SMURF1: variants seen among roughly 807,000 people sequenced by gnomAD.
The protein encoded by SMURF1 is E3 ubiquitin-protein ligase SMURF1.
SMURF1 carries 44 observed loss-of-function variants against 98.0 expected under a neutral mutation model. The observed-to-expected ratio is 0.45, with a 90% CI of 0.35 to 0.58. The LOEUF (loss-of-function observed/expected upper bound fraction) is 0.58. Among genes scored for constraint, SMURF1 ranks in the 20% least tolerant of loss-of-function variants. The probability of loss-of-function intolerance (pLI) is 0.00; values close to 1 mark genes in which losing one functional copy is unlikely to be tolerated. For synonymous variants in SMURF1, 396 were observed against 374.9 expected (o/e 1.06, Z -0.65); for missense variants, 687 against 938.4 (o/e 0.73, Z 3.50).
At chr7:99,143,084 G>A (rs1798167822) in intron 1 of SMURF1, among the ~76,000 whole-genome samples, 1 of 147,820 alleles carries the variant, frequency 6.8e-6, no homozygotes, top group Non-Finnish European at 1.5e-5. Context: ...GGCGGGACCA[G>A]AGAGAAGCGA....
Position 99,033,134 on chromosome 7 carries a change from C to G in SMURF1, c.2012-13G>C. On this transcript the variant is annotated splice_polypyrimidine_tract_variant and intron_variant, in intron 16 of 17. Transcript: ENST00000361368. ...GCGCCTGTAGAACCTTACAAGACAA[C>G]ATTCTAGTTAATGTACTTCAGAGTT... 2 of 1,563,686 alleles carry G rather than the reference C, an allele frequency of 1.3e-6. No homozygotes were observed. Among genetic ancestry groups the G allele is most frequent in the South Asian group, 1.2e-5 (1 of 85,230 alleles).
chr7:99,068,969 C>CT (rs1331463938), intron 1 of SMURF1, among the ~76,000 whole-genome samples: 2 of 152,158 alleles, frequency 1.3e-5, no homozygotes, highest in Non-Finnish European at 2.9e-5. Context: ...GACATTTTCA[C>CT]TAGTGCCAAA....
At chr7:99,103,669 A>G (rs940421992) in intron 1 of SMURF1, among the ~76,000 whole-genome samples, 5 of 152,206 alleles carry the variant, frequency 3.3e-5, no homozygotes, top group African/African-American at 9.7e-5. Context: ...AACTTATTTT[A>G]TCAATGCTTT....
At chr7:99,101,248 T>C (rs1345160784) in intron 1 of SMURF1, among the ~76,000 whole-genome samples, 1 of 152,166 alleles carries the variant, frequency 6.6e-6, no homozygotes, top group Non-Finnish European at 1.5e-5. Flanking sequence ...GGTGTGTGCC[T>C]GTAGTCCCAG....
rs1472129963 is a variant in SMURF1 at position 99,028,980 on chromosome 7, CAA to C, written c.*1602_*1603del. On this transcript the variant is annotated 3_prime_UTR_variant, in exon 18 of 18. Coordinates refer to ENST00000361368, the MANE Select transcript of SMURF1 (RefSeq NM_181349.3). Reference sequence around the variant, plus strand: ...CCTGTGGGGGCAAGGCAGAACTTTTCAAAGAGGCTAAGCCCACCATTTGGCCT... The same window carrying C: ...CCTGTGGGGGCAAGGCAGAACTTTTCAGAGGCTAAGCCCACCATTTGGCCT... 1 of 152,270 alleles carries C rather than the reference CAA, an allele frequency of 6.6e-6. No individual in the cohort carries two copies. Among genetic ancestry groups the C allele is most frequent in the Non-Finnish European group, 1.5e-5 (1 of 68,068 alleles). The allele number at this position is 152,270 out of a possible 1,614,324, so 9.4% of individuals were successfully genotyped here.
chr7:99,051,755 G>C (rs921933979), intron 7 of SMURF1, among the ~76,000 whole-genome samples: 2 of 152,128 alleles, frequency 1.3e-5, no homozygotes, highest in African/African-American at 4.8e-5. Context: ...TTCATGATTA[G>C]CTAGATTTAG....
intron 1 of SMURF1, among the ~76,000 whole-genome samples, chr7:99,103,373 G>A (rs535332195): frequency 2.2e-4 from 33 of 152,222 alleles, no homozygotes; most frequent in Admixed American, 1.6e-3. Context: ...AAAAGACACC[G>A]GGGAAAGGTA....
chr7:99,056,250 G>A (rs1016619459), intron 5 of SMURF1, among the ~76,000 whole-genome samples: 5 of 152,064 alleles, frequency 3.3e-5, no homozygotes, highest in African/African-American at 1.2e-4. Context: ...AAGATTTGGA[G>A]TGAGAATCAC....
intron 12 of SMURF1, among the ~76,000 whole-genome samples, chr7:99,041,159 T>C (rs1795365183): frequency 2.0e-5 from 3 of 152,174 alleles, no homozygotes; most frequent in Admixed American, 6.5e-5. Context: ...CTCAACACTT[T>C]GGGAGGCTGA....
chr7:99,105,423 A>C (rs1387960440), intron 1 of SMURF1, among the ~76,000 whole-genome samples: 2 of 152,202 alleles, frequency 1.3e-5, no homozygotes, highest in East Asian at 3.8e-4. Context: ...CTAAAACAAC[A>C]ACCACTACTA....
intron 15 of SMURF1, chr7:99,036,497 A>AAC (rs1795148313): frequency 6.6e-6 from 1 of 150,632 alleles, no homozygotes; most frequent in Non-Finnish European, 1.5e-5. Flanking sequence ...AAAAAAAAAA[A>AAC]CCACAAAAGT....
chr7:99,033,056 G>T lies in SMURF1; in HGVS notation c.2077C>A (p.Leu693Ile), dbSNP rs1366702796. 6.3e-7 allele frequency: 1 copy of T among 1,595,570 alleles called. No individual in the cohort carries two copies. The highest frequency in any genetic ancestry group is 1.8e-5 in the Admixed American group (1 of 56,992). ...GCTTACCAGGTATGGGCCTTCGGAA[G>T]GTTGTCTGTGTTCGCGTCTATCAGG... ...IHLIDANTDN[L>I]PKAHTCFNRI... Residue 693 changes from leucine (L) to isoleucine (I), a missense_variant, in exon 17 of 18, where the codon CTT becomes ATT. Physicochemically the swap from Leu to Ile is conservative, Grantham distance 5 (BLOSUM62 2). Coordinates refer to ENST00000361368, the MANE Select transcript of SMURF1 (RefSeq NM_181349.3).
intron 1 of SMURF1, among the ~76,000 whole-genome samples, chr7:99,088,691 AGTTT>A (rs554552682): frequency 2.2e-4 from 34 of 152,224 alleles, no homozygotes; most frequent in South Asian, 1.9e-3. Context: ...TTAGGAAGGT[AGTTT>A]GTTTGTTTTT....
chr7:99,083,512 G>A (rs1796613760), intron 1 of SMURF1, among the ~76,000 whole-genome samples: 1 of 152,178 alleles, frequency 6.6e-6, no homozygotes, highest in African/African-American at 2.4e-5. Context: ...AATGTTGATG[G>A]AGTACATTTG....
intron 6 of SMURF1, 81 bp from the exon 7 acceptor site, chr7:99,052,527 G>A: frequency 7.4e-7 from 1 of 1,345,450 alleles, no homozygotes; most frequent in East Asian, 2.7e-5. Flanking sequence ...GTGTCCTAGG[G>A]GACACCGTCA....
intron 15 of SMURF1, among the ~76,000 whole-genome samples, chr7:99,036,836 C>T (rs565015410): frequency 3.3e-5 from 5 of 152,220 alleles, no homozygotes; most frequent in East Asian, 3.9e-4. Context: ...AACAGTTTCC[C>T]GGGAGTTAGT....
chr7:99,042,975 G>A lies in SMURF1; in HGVS notation c.1257-743C>T, dbSNP rs546784488. ...TCATTGTACTCAAAAGAACAGAAAG[G>A]AACTGCCAGAAGAGATGAGACTCCG... On this transcript the variant is annotated intron_variant, in intron 11 of 17. Coordinates refer to ENST00000361368, the MANE Select transcript of SMURF1 (RefSeq NM_181349.3). 4.6e-5 allele frequency among the ~76,000 whole-genome samples: 7 copies of A among 152,246 alleles called. 1 individual carries two copies. In the South Asian group the frequency reaches 1.5e-3, roughly 32 times the overall value.
chr7:99,135,241 A>C (rs1940895645), intron 1 of SMURF1, among the ~76,000 whole-genome samples: 1 of 152,188 alleles, frequency 6.6e-6, no homozygotes, highest in Non-Finnish European at 1.5e-5. Context: ...AATTGTTGAA[A>C]AGCAATACAT....
At chr7:99,051,994 A>G (rs896346323) in intron 7 of SMURF1, among the ~76,000 whole-genome samples, 16 of 152,294 alleles carry the variant, frequency 1.1e-4, no homozygotes, top group Middle Eastern at 3.4e-3. Flanking sequence ...CAAAAAATAC[A>G]AAAATTAGCC....
Sources: gnomAD v4.1 joint callset for allele counts (sites outside exome capture counted in the v4.1 genomes callset) on GRCh38, gnomAD v4.1.1 for gene constraint, MANE v1.5 for transcripts, NCBI Gene and HGNC (gene_info 2026-07-23, HGNC 2026-07-21) for gene names.